Variants in TASOR observed in about 807,000 individuals in gnomAD.
The protein encoded by TASOR is transcription activation suppressor.
Under a neutral mutation model 178.6 loss-of-function variants are expected in TASOR, and 53 were observed. That is an observed-to-expected ratio of 0.30 (90% CI 0.24 to 0.37). TASOR has a LOEUF of 0.37. Ranked by LOEUF, TASOR falls within the 10% of genes least tolerant of loss-of-function variation. The pLI is 1.00. For synonymous variants in TASOR, 713 were observed against 696.2 expected, an observed-to-expected ratio of 1.02 and a Z score of -0.38; for missense variants, 1,815 against 1,971.4, an observed-to-expected ratio of 0.92 and a Z score of 1.50.
chr3:56,648,386 G>C (rs7649872), intron 13 of TASOR, among the ~76,000 whole-genome samples: 1 of 151,688 alleles, frequency 6.6e-6, no homozygotes, highest in East Asian at 1.9e-4. Context: ...CCAGCACTTT[G>C]GGAGACCGAG....
intron 18 of TASOR, among the ~76,000 whole-genome samples, chr3:56,632,736 G>A (rs898324080): frequency 6.6e-6 from 1 of 151,918 alleles, no homozygotes; most frequent in Non-Finnish European, 1.5e-5. Context: ...GAATGCCTGG[G>A]CTCAAGTGAT....
intron 18 of TASOR, among the ~76,000 whole-genome samples, chr3:56,631,946 C>A (rs1366221995): frequency 6.6e-6 from 1 of 152,122 alleles, no homozygotes; most frequent in Non-Finnish European, 1.5e-5. Flanking sequence ...AGAAAAAATA[C>A]ACCTCACAAT....
intron 3 of TASOR, 96 bp downstream of exon 3, chr3:56,671,504 T>A: frequency 1.2e-6 from 1 of 819,258 alleles, no homozygotes; most frequent in South Asian, 1.9e-5. Flanking sequence ...ATCAAAAAAG[T>A]CTGTAATTGT....
At position 56,682,871 on chromosome 3, in the gene TASOR, G is replaced by A. The variant is rs962756844; in HGVS notation, c.136C>T (p.Leu46Phe). The A allele has an allele frequency of 1.3e-6, 2 of 1,549,100 alleles. No individual in the cohort carries two copies. Among genetic ancestry groups the A allele is most frequent in the Admixed American group, 2.0e-5 (1 of 50,946 alleles). Reference protein sequence around the residue: ...SSQQNGGGGGLNIAEPSGGAG... With the variant: ...SSQQNGGGGGFNIAEPSGGAG... The stretch of plus-strand genomic sequence containing the variant: ...CCGCCGCTGGGCTCAGCGATGTTGA[G>A]GCCGCCGCCGCCGCCATTTTGTTGG... Residue 46 changes from leucine to phenylalanine, a missense_variant, in exon 1 of 24, where the codon CTC becomes TTC. Coordinates refer to ENST00000683822, the MANE Select transcript of TASOR (RefSeq NM_001365635.2).
At chr3:56,658,979 T>C (rs909578872) in intron 11 of TASOR, among the ~76,000 whole-genome samples, 31 of 148,490 alleles carry the variant, frequency 2.1e-4, no homozygotes, top group South Asian at 1.3e-3. Context: ...TGTGTGTGTG[T>C]GCACGCGTGT....
rs78113919 is a variant in TASOR at position 56,635,357 on chromosome 3, A to G, written c.2825-1391T>C. On this transcript the variant is annotated intron_variant, in intron 17 of 23. Transcript: ENST00000683822. ...TGATAAACCAGAAAATCCAAGTTTC[A>G]TAAGATAATTAGGAGTACTAAATAT... is the stretch of plus-strand genomic sequence containing the variant. 4.0e-3 allele frequency among the ~76,000 whole-genome samples: 603 copies of G among 152,354 alleles called. 3 individuals are homozygous for G. The highest frequency in any genetic ancestry group is 6.8e-3 in the South Asian group (33 of 4,832).
intron 19 of TASOR, among the ~76,000 whole-genome samples, 182 bp from the exon 20 acceptor site, chr3:56,627,923 T>C (rs2107531665): frequency 6.6e-6 from 1 of 152,276 alleles, no homozygotes; most frequent in East Asian, 1.9e-4. Context: ...TAAACCAACA[T>C]TTATGTACTG....
rs1014787254 is a variant in TASOR, at chr3:56,663,634, T to C, written c.1023-62A>G. 24 of 1,248,350 alleles carry C rather than the reference T, an allele frequency of 1.9e-5. No individual in the cohort carries two copies. In the African/African-American group the frequency reaches 2.5e-4, roughly 13 times the overall value. 77.3% of individuals were successfully genotyped at this position (1,248,350 alleles called of 1,614,324 possible). A position where few individuals can be genotyped will look rare whatever the true frequency, so the allele number is the denominator to read the frequency against. On this transcript the variant is annotated intron_variant, in intron 7 of 23. Transcript: ENST00000683822. The stretch of plus-strand genomic sequence containing the variant: ...ATTAGTATAATCATAAAAATTAACA[T>C]GTAAGATGATATAAGTGCAATTTTT...
Position 56,668,573 on chromosome 3 carries a change from A to T in TASOR, c.736-15T>A. On this transcript the variant is annotated splice_polypyrimidine_tract_variant and intron_variant, in intron 5 of 23. Transcript: ENST00000683822. ...TTTATTTTACCCTAAAATAGAGAAA[A>T]CCTTTTAAGTGTCTACCTAAACCTA... The T allele has an allele frequency of 6.6e-7, 1 of 1,518,704 alleles. No homozygotes were observed. The highest frequency in any genetic ancestry group is 2.2e-5 in the Admixed American group (1 of 44,830). 94.1% of individuals were successfully genotyped at this position (1,518,704 alleles called of 1,614,324 possible). A position where few individuals can be genotyped will look rare whatever the true frequency, so the allele number is the denominator to read the frequency against.
At chr3:56,638,803 A>G in intron 16 of TASOR, 38 bp from the exon 17 acceptor site, 1 of 1,598,262 alleles carries the variant, frequency 6.3e-7, no homozygotes, top group East Asian at 2.2e-5. Flanking sequence ...TTCAGACATT[A>G]GTGATACCTA....
At chr3:56,681,625 GA>G (rs1205974637) in intron 1 of TASOR, among the ~76,000 whole-genome samples, 1 of 151,980 alleles carries the variant, frequency 6.6e-6, no homozygotes, top group Non-Finnish European at 1.5e-5. Context: ...AAAGATACGG[GA>G]AAAAAACAAA....
intron 15 of TASOR, among the ~76,000 whole-genome samples, chr3:56,640,483 T>C (rs1377887368): frequency 1.3e-5 from 2 of 151,632 alleles, no homozygotes; most frequent in East Asian, 3.9e-4. Context: ...GTGTGCTAGG[T>C]TCAACCCATG....
intron 1 of TASOR, 72 bp from the exon 2 acceptor site, chr3:56,673,797 T>A (rs2030989220): frequency 7.6e-7 from 1 of 1,320,106 alleles, no homozygotes; most frequent in Middle Eastern, 2.6e-4. Context: ...TATATTTTTG[T>A]GGGTTAATGT....
rs1025660178 is a variant in TASOR at position 56,682,096 on chromosome 3, A to G, written c.331+580T>C. On this transcript the variant is annotated intron_variant, in intron 1 of 23. Coordinates refer to ENST00000683822, the MANE Select transcript of TASOR (RefSeq NM_001365635.2). ...ATCTAACGCTTCAAAAACAAGGGGGAAAAATCTACATGGAAATGAAGTGTG... is the reference window on the plus strand; with the variant it reads ...ATCTAACGCTTCAAAAACAAGGGGGGAAAATCTACATGGAAATGAAGTGTG... Among the ~76,000 whole-genome samples the G allele has an allele frequency of 1.5e-4, 23 of 152,366 alleles. No homozygotes were observed. In the East Asian group the frequency reaches 3.7e-3, roughly 24 times the overall value.
intron 20 of TASOR, among the ~76,000 whole-genome samples, 184 bp from the exon 21 acceptor site, chr3:56,627,329 C>T (rs957643145): frequency 2.6e-5 from 4 of 152,138 alleles, no homozygotes; most frequent in African/African-American, 9.7e-5. Flanking sequence ...AACATCTACA[C>T]ATAAAAAAGA....
intron 2 of TASOR, among the ~76,000 whole-genome samples, chr3:56,672,731 A>T (rs937243927): frequency 1.3e-5 from 2 of 152,204 alleles, no homozygotes; most frequent in African/African-American, 4.8e-5. Flanking sequence ...AAACACACCC[A>T]TATATTTGAC....
chr3:56,666,513 C>T (rs759173709), intron 6 of TASOR, 129 bp from the exon 7 acceptor site: 27 of 564,294 alleles, frequency 4.8e-5, no homozygotes, highest in Non-Finnish European at 6.9e-5. Context: ...TTAAGCTCTG[C>T]GTGCCAATTT....
At chr3:56,667,793 A>C (rs951040695) in intron 6 of TASOR, among the ~76,000 whole-genome samples, 2 of 152,186 alleles carry the variant, frequency 1.3e-5, no homozygotes, top group African/African-American at 2.4e-5. Context: ...CAAACACAAA[A>C]ACAAAAAACC....
rs2076962768 is a variant in TASOR at position 56,633,754 on chromosome 3, C to T, written c.3037G>A (p.Val1013Met). The T allele has an allele frequency of 1.4e-5, 23 of 1,614,098 alleles. No homozygotes were observed. The highest frequency in any genetic ancestry group is 1.9e-5 in the Non-Finnish European group (22 of 1,180,048). ...VPAAEAEPPA[V>M]SETTERTVLG... is the part of the protein sequence containing the mutation. ...ACTGTCCTCTCTGTGGTTTCGCTCA[C>T]TGCAGGCGGCTCTGCCTCTGCTGCT... The change falls in exon 18 of 24, where the codon GTG becomes ATG. Residue 1013 changes from valine (V) to methionine (M), a missense_variant. Val to Met is a conservative substitution (Grantham distance 21, BLOSUM62 1). This residue lies in a region of TASOR where 655 missense variants were observed against 671.1 expected (regional missense o/e 0.98). Transcript: ENST00000683822.
Sources: gnomAD v4.1 joint callset for allele counts (sites outside exome capture counted in the v4.1 genomes callset) on GRCh38, gnomAD v4.1.1 for gene constraint, gnomAD v4.1.1 regional missense constraint, MANE v1.5 for transcripts, NCBI Gene and HGNC (gene_info 2026-07-23, HGNC 2026-07-21) for gene names.